The following KRT37 variants were observed in gnomAD, a reference collection of about 807,000 sequenced individuals.
The protein encoded by KRT37 is keratin, type I cuticular Ha7.
KRT37 carries 38 observed loss-of-function variants against 41.9 expected under a neutral mutation model. The observed-to-expected ratio is 0.91, with a 90% CI of 0.70 to 1.19. KRT37 has a LOEUF of 1.19. Among genes scored for constraint, KRT37 ranks in the 50% most tolerant of loss-of-function variants. The probability of loss-of-function intolerance (pLI) is 0.00; values close to 1 mark genes in which losing one functional copy is unlikely to be tolerated. For synonymous variants in KRT37, 252 were observed against 243.4 expected (o/e 1.04, Z -0.33); for missense variants, 580 against 575.5 (o/e 1.01, Z -0.08).
In KRT37 at chr17:41,422,892, G is replaced by C. The variant is rs1239485076; in HGVS notation, c.618C>G (p.Asp206Glu). The change falls in exon 3 of 7, where the codon GAC (aspartate) becomes GAG (glutamate). Residue 206 changes from aspartate (D) to glutamate (E), a missense_variant. By Grantham distance (45) the Asp-to-Glu change is conservative. Transcript: ENST00000225550. ...ERSLHQLVEA[D>E]KCGTQKLLDD... ...CCAGGAGCTTCTGCGTCCCGCACTTGTCCGCCTCCACCAGCTGGTGAAGGG... is the reference window on the plus strand; with the variant it reads ...CCAGGAGCTTCTGCGTCCCGCACTTCTCCGCCTCCACCAGCTGGTGAAGGG... 1 of 1,614,116 alleles carries C rather than the reference G, an allele frequency of 6.2e-7. No individual in the cohort carries two copies. The highest frequency in any genetic ancestry group is 1.7e-5 in the Admixed American group (1 of 60,018).
intron 5 of KRT37, among the ~76,000 whole-genome samples, chr17:41,421,856 C>T (rs145300199): frequency 3.2e-4 from 48 of 152,308 alleles, no homozygotes; most frequent in African/African-American, 9.1e-4. Context: ...CCTGAACTTC[C>T]GCACTGTGTT....
In KRT37 at chr17:41,421,392, T is replaced by C; in HGVS notation, c.1216A>G (p.Asn406Asp). The change falls in exon 6 of 7, where the codon AAC becomes GAC. Residue 406 changes from asparagine to aspartate, a missense_variant. By Grantham distance (23) the Asn-to-Asp change is conservative (BLOSUM62 1). Transcript: ENST00000225550. ...RLENEIATYR[N>D]LLESEDCKLP... The stretch of plus-strand genomic sequence containing the variant: ...TTGCAGTCCTCGCTCTCCAGAAGGT[T>C]CCGGTATGTGGCAATCTCGTTCTCC... The C allele has an allele frequency of 1.2e-6, 2 of 1,614,186 alleles. No homozygotes were observed. Among genetic ancestry groups the C allele is most frequent in the Non-Finnish European group, 1.7e-6 (2 of 1,180,018 alleles).
intron 2 of KRT37, 58 bp from the exon 3 acceptor site, chr17:41,422,992 C>T (rs1567690951): frequency 6.4e-7 from 1 of 1,563,558 alleles, no homozygotes; most frequent in East Asian, 2.3e-5. Flanking sequence ...CTCTCAGCTG[C>T]CCTGGCTTCC....
At chr17:41,421,851 A>G (rs1436525826) in intron 5 of KRT37, among the ~76,000 whole-genome samples, 1 of 152,208 alleles carries the variant, frequency 6.6e-6, no homozygotes. Context: ...GAGTGCCTGA[A>G]CTTCCGCACT....
rs2018538899 is a variant in KRT37, at chr17:41,421,493, T to C, written c.1115A>G (p.Gln372Arg). 5 of 1,614,208 alleles carry C rather than the reference T, an allele frequency of 3.1e-6. No homozygotes were observed. The East Asian group carries it at 1.1e-4, about 36-fold the overall frequency. The change falls in exon 6 of 7, where the codon CAG becomes CGG. Residue 372 changes from glutamine (Q) to arginine (R), a missense_variant. By Grantham distance (43) the Gln-to-Arg change is conservative. Transcript: ENST00000225550. Reference protein sequence around the residue: ...MQSLISNLEEQLSEIRADLER... With the variant: ...MQSLISNLEERLSEIRADLER... ...CAGGTCGGCCCGGATCTCAGACAAC[T>C]GCTCTTCCAAGTTGCTAATGAGGCT...
chr17:41,421,093 C>G (rs2018533292), intron 6 of KRT37, 107 bp from the exon 7 acceptor site: 1 of 863,816 alleles, frequency 1.2e-6, no homozygotes, highest in African/African-American at 1.7e-5. Flanking sequence ...GGCACACAGA[C>G]CAGAGAATCT....
rs1474053600 is a variant in KRT37, at chr17:41,422,899, T to C, written c.611A>G (p.Glu204Gly). ...ESERSLHQLV[E>G]ADKCGTQKLL... ...CTTCTGCGTCCCGCACTTGTCCGCC[T>C]CCACCAGCTGGTGAAGGGAGCGCTC... The change falls in exon 3 of 7, where the codon GAG becomes GGG. Residue 204 changes from glutamate (E) to glycine (G), a missense_variant. Transcript: ENST00000225550. The C allele has an allele frequency of 1.9e-6, 3 of 1,614,048 alleles. No individual in the cohort carries two copies. Among genetic ancestry groups the C allele is most frequent in the Non-Finnish European group, 2.5e-6 (3 of 1,179,970 alleles).
At position 41,422,116 on chromosome 17, in the gene KRT37, A is replaced by G; in HGVS notation, c.973T>C (p.Cys325Arg). ...TCCACCTCCAGGGCATTCACCGTGC[A>G]TCTCAGCTCCAGGATCTCCGACTGG... Reference protein sequence around the residue: ...CCQSEILELRCTVNALEVERQ... With the variant: ...CCQSEILELRRTVNALEVERQ... The change falls in exon 5 of 7, where the codon TGC (cysteine) becomes CGC (arginine). Residue 325 changes from cysteine (C) to arginine (R), a missense_variant. Cys to Arg is a radical substitution (Grantham distance 180, BLOSUM62 -3). Transcript: ENST00000225550. 6.2e-7 allele frequency: 1 copy of G among 1,614,198 alleles called. No individual in the cohort carries two copies.
intron 2 of KRT37, 33 bp downstream of exon 2, chr17:41,423,729 G>C: frequency 6.3e-7 from 1 of 1,594,066 alleles, no homozygotes; most frequent in Non-Finnish European, 8.6e-7. Flanking sequence ...CAGCAGGAGA[G>C]AAGTCACACT....
intron 2 of KRT37, 37 bp downstream of exon 2, chr17:41,423,725 G>C: frequency 6.3e-7 from 1 of 1,590,246 alleles, no homozygotes; most frequent in Non-Finnish European, 8.6e-7. Flanking sequence ...AATACAGCAG[G>C]AGAGAAGTCA....
chr17:41,420,619 C>G lies in KRT37; in HGVS notation c.*259G>C. 1 of 407,130 alleles carries G rather than the reference C, an allele frequency of 2.5e-6. No individual in the cohort carries two copies. The highest frequency in any genetic ancestry group is 4.4e-6 in the Non-Finnish European group (1 of 229,604). The allele number at this position is 407,130 out of a possible 1,614,324, so 25.2% of individuals were successfully genotyped here. A position where few individuals can be genotyped will look rare whatever the true frequency, so the allele number is the denominator to read the frequency against. On this transcript the variant is annotated 3_prime_UTR_variant, in exon 7 of 7. Transcript: ENST00000225550. ...TTACATTTTTGGAGATTCTGAAACA[C>G]TGGAATAGAACTAAAAGTACCAAGA...
Position 41,422,752 on chromosome 17 carries a change from A to G in KRT37, c.732+26T>C. The G allele has an allele frequency of 1.3e-6, 2 of 1,535,706 alleles. 1 individual carries two copies. Among genetic ancestry groups the G allele is most frequent in the Non-Finnish European group, 1.8e-6 (2 of 1,129,834 alleles). ...CCCCTGTCTGCCCAGCGCCCTCCCC[A>G]GGAGTCTGAGCAGCCAGGGCCACAC... On this transcript the variant is annotated intron_variant, in intron 3 of 6. Coordinates refer to ENST00000225550, the MANE Select transcript of KRT37 (RefSeq NM_003770.5).
At chr17:41,423,138 C>T (rs2018568525) in intron 2 of KRT37, among the ~76,000 whole-genome samples, 1 of 152,230 alleles carries the variant, frequency 6.6e-6, no homozygotes, top group Non-Finnish European at 1.5e-5. Context: ...AGAAACAAAA[C>T]ACGAGTTGTT....
Position 41,420,873 on chromosome 17 carries a change from C to T in KRT37, c.*5G>A. The T allele has an allele frequency of 1.9e-6, 3 of 1,604,580 alleles. No individual in the cohort carries two copies. The highest frequency in any genetic ancestry group is 2.6e-6 in the Non-Finnish European group (3 of 1,171,754). On this transcript the variant is annotated 3_prime_UTR_variant, in exon 7 of 7. Transcript: ENST00000225550. ...GCCTCAATCTCCTAACTCGGGCCTT[C>T]AGAATCATCTCCCCATGCTGGCTCC...
At position 41,424,475 on chromosome 17, in the gene KRT37, C is replaced by G; in HGVS notation, c.49G>C (p.Ala17Pro). 5.0e-6 allele frequency: 8 copies of G among 1,604,208 alleles called. No homozygotes were observed. The highest frequency in any genetic ancestry group is 6.0e-6 in the Non-Finnish European group (7 of 1,173,192). The change falls in exon 1 of 7, where the codon GCT becomes CCT. Residue 17 changes from alanine to proline, a missense_variant. By Grantham distance (27) the Ala-to-Pro change is conservative. Coordinates refer to ENST00000225550, the MANE Select transcript of KRT37 (RefSeq NM_003770.5). ...TSSCPLGCTM[A>P]PGARNVFVSP... ...ACAAAGACATTTCTTGCTCCAGGAG[C>G]CATGGTGCAACCCAGAGGGCATGAG...
Position 41,422,450 on chromosome 17 carries a change from C to CGAT in KRT37, c.733-19_733-17dup. 1.2e-6 allele frequency: 2 copies of CGAT among 1,613,286 alleles called. No homozygotes were observed. Among genetic ancestry groups the CGAT allele is most frequent in the Non-Finnish European group, 8.5e-7 (1 of 1,179,452 alleles). On this transcript the variant is annotated splice_polypyrimidine_tract_variant and intron_variant, in intron 3 of 6. Transcript: ENST00000225550. ...TCTTTACTTCCTGCAGAAATGGAAG[C>CGAT]GATAGACAGCCTGCGTAAGGAAACG...
At chr17:41,421,929 G>A in intron 5 of KRT37, 140 bp downstream of exon 5, 1 of 1,436,354 alleles carries the variant, frequency 7.0e-7, no homozygotes, top group South Asian at 1.3e-5. Context: ...GAACTTGACA[G>A]CAAGACGTCT....
Position 41,423,851 on chromosome 17 carries a change from A to G in KRT37, c.493-7T>C, listed in dbSNP as rs753341311. The stretch of plus-strand genomic sequence containing the variant: ...CAGCCTTGCTGCACAGGATCTGAGG[A>G]AAACGGAAAGACGGTTCACACACAA... On this transcript the variant is annotated splice_polypyrimidine_tract_variant and splice_region_variant and intron_variant, in intron 1 of 6. Transcript: ENST00000225550. 56 of 1,613,802 alleles carry G rather than the reference A, an allele frequency of 3.5e-5. No individual in the cohort carries two copies. Among genetic ancestry groups the G allele is most frequent in the Non-Finnish European group, 4.7e-5 (56 of 1,179,774 alleles).
In KRT37 at chr17:41,424,019, T is replaced by A. The variant is rs745756644; in HGVS notation, c.492+13A>T. The A allele has an allele frequency of 2.5e-6, 4 of 1,610,782 alleles. No individual in the cohort carries two copies. The South Asian group carries it at 4.4e-5, about 18-fold the overall frequency. ...TCTCAGACCCAGCATGCCCAGGCGATCCCACACCTCACCTTCTGCTGGAGC... is the reference window on the plus strand; with the variant it reads ...TCTCAGACCCAGCATGCCCAGGCGAACCCACACCTCACCTTCTGCTGGAGC... On this transcript the variant is annotated intron_variant, in intron 1 of 6. Transcript: ENST00000225550.
Sources: allele counts gnomAD v4.1 joint callset (sites outside exome capture counted in the v4.1 genomes callset), GRCh38; gene constraint gnomAD v4.1.1; transcripts MANE v1.5; gene names NCBI Gene and HGNC (gene_info 2026-07-23, HGNC 2026-07-21).